Variants in IMPG1 observed in about 807,000 individuals in gnomAD.
The protein encoded by IMPG1 is interphotoreceptor matrix proteoglycan 1.
IMPG1 carries 85 observed loss-of-function variants against 92.0 expected under a neutral mutation model. The ratio of observed to expected loss-of-function variants is 0.92; its 90% CI spans 0.78 to 1.11. IMPG1 has a LOEUF of 1.11. Ranked by LOEUF, IMPG1 falls within the 50% of genes least tolerant of loss-of-function variation. The pLI is 0.00. For synonymous variants in IMPG1, 367 were observed against 334.1 expected, an observed-to-expected ratio of 1.10 and a Z score of -1.08; for missense variants, 1,022 against 956.0, an observed-to-expected ratio of 1.07 and a Z score of -0.91.
intron 12 of IMPG1, among the ~76,000 whole-genome samples, chr6:75,993,249 C>T (rs555135930): frequency 1.1e-4 from 17 of 152,176 alleles, no homozygotes; most frequent in East Asian, 7.7e-4. Context: ...ACATATGTAA[C>T]GGGGCATTGG....
chr6:76,031,139 T>G (rs1783646924), intron 4 of IMPG1, among the ~76,000 whole-genome samples: 1 of 152,198 alleles, frequency 6.6e-6, no homozygotes, highest in African/African-American at 2.4e-5. Context: ...TTAGCTGAAC[T>G]AAGGAAAAGT....
At chr6:75,960,519 G>A (rs1782198451) in intron 12 of IMPG1, among the ~76,000 whole-genome samples, 1 of 151,900 alleles carries the variant, frequency 6.6e-6, no homozygotes, top group Non-Finnish European at 1.5e-5. Context: ...AAATTTAACT[G>A]GACATTTTGT....
intron 6 of IMPG1, 114 bp from the exon 7 acceptor site, chr6:76,018,972 GT>G (rs1227039875): frequency 1.0e-6 from 1 of 959,892 alleles, no homozygotes; most frequent in Non-Finnish European, 1.4e-6. Context: ...AGGCTTAAGT[GT>G]TTTGCAATCA....
At chr6:75,997,085 T>C (rs1782913773) in intron 12 of IMPG1, among the ~76,000 whole-genome samples, 1 of 152,162 alleles carries the variant, frequency 6.6e-6, no homozygotes, top group African/African-American at 2.4e-5. Context: ...AATTTGAGAG[T>C]TGAAAGAACT....
intron 14 of IMPG1, among the ~76,000 whole-genome samples, chr6:75,934,670 C>G (rs1781714155): frequency 6.6e-6 from 1 of 152,262 alleles, no homozygotes; most frequent in Non-Finnish European, 1.5e-5. Context: ...TTTCAAGCCT[C>G]TTGTTTCTGG....
intron 1 of IMPG1, among the ~76,000 whole-genome samples, chr6:76,048,919 T>C (rs1415346160): frequency 6.6e-6 from 1 of 152,204 alleles, no homozygotes; most frequent in African/African-American, 2.4e-5. Context: ...TGTAGTATTG[T>C]TCACAATAGC....
intron 1 of IMPG1, among the ~76,000 whole-genome samples, chr6:76,063,557 G>A (rs756270378): frequency 6.6e-6 from 1 of 152,198 alleles, no homozygotes; most frequent in Non-Finnish European, 1.5e-5. Context: ...GTGACTTCTT[G>A]AGGGCATTGC....
intron 4 of IMPG1, among the ~76,000 whole-genome samples, chr6:76,029,478 T>C (rs1783616146): frequency 6.6e-6 from 1 of 152,250 alleles, no homozygotes. Flanking sequence ...GGAAATTATG[T>C]TTCAAAACTT....
intron 12 of IMPG1, among the ~76,000 whole-genome samples, chr6:75,994,140 C>G (rs1782859878): frequency 6.6e-6 from 1 of 152,112 alleles, no homozygotes; most frequent in East Asian, 1.9e-4. Flanking sequence ...GATGCTAAAT[C>G]CAAAGTGAAA....
At chr6:75,962,399 G>A (rs1270351518) in intron 12 of IMPG1, among the ~76,000 whole-genome samples, 4 of 152,046 alleles carry the variant, frequency 2.6e-5, no homozygotes, top group Admixed American at 6.6e-5. Flanking sequence ...AGTGTTGGGA[G>A]ACATGACCCA....
intron 11 of IMPG1, 50 bp from the exon 12 acceptor site, chr6:76,003,046 T>C (rs767759914): frequency 8.2e-6 from 11 of 1,347,192 alleles, no homozygotes; most frequent in Admixed American, 1.7e-5. Flanking sequence ...TGTTTGTATG[T>C]ATATGAGAAG....
At chr6:76,008,743 G>C (rs932120408) in intron 8 of IMPG1, among the ~76,000 whole-genome samples, 2 of 152,082 alleles carry the variant, frequency 1.3e-5, no homozygotes, top group Non-Finnish European at 1.5e-5. Context: ...ATAAACAAAT[G>C]GGACATATTT....
chr6:75,950,680 T>C lies in IMPG1; in HGVS notation c.1706A>G (p.Lys569Arg), dbSNP rs3734312. 0.011 allele frequency: 18,232 copies of C among 1,613,850 alleles called. 1,324 individuals are homozygous for C. In the East Asian group the frequency reaches 0.22, roughly 20 times the overall value. The change falls in exon 13 of 17, where the codon AAG becomes AGG. Residue 569 changes from lysine to arginine, a missense_variant. Physicochemically the swap from Lys to Arg is conservative, Grantham distance 26. Transcript: ENST00000369950. ...ITTSSMTIAP[K>R]GRELVVFFSL... ...GAAGAACACTACCAGCTCTCGGCCC[T>C]TGGGGGCAATGGTCATAGAACTAGT...
intron 14 of IMPG1, among the ~76,000 whole-genome samples, chr6:75,944,216 C>T (rs868637123): frequency 2.0e-5 from 3 of 152,162 alleles, no homozygotes; most frequent in Admixed American, 6.5e-5. Context: ...TCCCTGTGCC[C>T]CCCTCTATTC....
intron 12 of IMPG1, among the ~76,000 whole-genome samples, chr6:75,991,884 GT>G (rs1161812802): frequency 6.6e-6 from 1 of 152,130 alleles, no homozygotes; most frequent in Admixed American, 6.5e-5. Flanking sequence ...AAGGCACCTT[GT>G]TTTTTTCCGA....
intron 5 of IMPG1, among the ~76,000 whole-genome samples, chr6:76,024,493 T>C (rs764762034): frequency 7.9e-5 from 12 of 152,174 alleles, no homozygotes; most frequent in Non-Finnish European, 1.3e-4. Flanking sequence ...CTCTGCCTTT[T>C]GGCAAACTCT....
intron 12 of IMPG1, among the ~76,000 whole-genome samples, chr6:75,972,295 G>C (rs1468556545): frequency 1.3e-5 from 2 of 152,160 alleles, no homozygotes; most frequent in East Asian, 1.9e-4. Flanking sequence ...CGTACATTCT[G>C]TAAAGAAGTA....
intron 14 of IMPG1, among the ~76,000 whole-genome samples, chr6:75,943,775 C>G (rs183333187): frequency 3.9e-5 from 6 of 152,328 alleles, no homozygotes; most frequent in Non-Finnish European, 8.8e-5. Flanking sequence ...CTCCTACATT[C>G]TCTCTTCTGT....
At chr6:75,945,903 G>T (rs549719947) in intron 14 of IMPG1, among the ~76,000 whole-genome samples, 5 of 152,264 alleles carry the variant, frequency 3.3e-5, no homozygotes, top group African/African-American at 1.2e-4. Context: ...CCTCAACTTG[G>T]CTCCTCACGT....
Sources: allele counts gnomAD v4.1 joint callset (sites outside exome capture counted in the v4.1 genomes callset), GRCh38; gene constraint gnomAD v4.1.1; transcripts MANE v1.5; gene names NCBI Gene and HGNC (gene_info 2026-07-23, HGNC 2026-07-21).